Variants in PDE4D observed in about 807,000 individuals in gnomAD.
The protein encoded by PDE4D is phosphodiesterase 4D.
Under a neutral mutation model 87.4 loss-of-function variants are expected in PDE4D, and 24 were observed. The observed-to-expected ratio is 0.27, with a 90% CI of 0.20 to 0.39. The LOEUF (loss-of-function observed/expected upper bound fraction) is 0.39. PDE4D is among the 10% of genes least tolerant of loss of function. The pLI is 1.00. For missense variants in PDE4D, 714 were observed against 1,041.0 expected, an observed-to-expected ratio of 0.69 and a Z score of 4.32; for synonymous variants, 384 against 383.2, an observed-to-expected ratio of 1.00 and a Z score of -0.02.
chr5:60,107,670 G>T (rs1777151386), intron 2 of PDE4D, among the ~76,000 whole-genome samples: 1 of 152,108 alleles, frequency 6.6e-6, no homozygotes, highest in Admixed American at 6.6e-5. Flanking sequence ...ATGATCAAGT[G>T]GGCTTCATCC....
chr5:59,564,774 T>C (rs142938686), intron 1 of PDE4D, among the ~76,000 whole-genome samples: 1 of 151,812 alleles, frequency 6.6e-6, no homozygotes, highest in Non-Finnish European at 1.5e-5. Flanking sequence ...TTTGTGTGAG[T>C]GAGAAAGGCA....
intron 11 of PDE4D, among the ~76,000 whole-genome samples, chr5:58,983,744 C>T (rs1018147775): frequency 6.6e-6 from 1 of 152,212 alleles, no homozygotes; most frequent in African/African-American, 2.4e-5. Flanking sequence ...GCTTGCACAG[C>T]AGGCTGGACC....
intron 2 of PDE4D, among the ~76,000 whole-genome samples, chr5:60,143,643 GTGTGTGTA>G (rs1383029452): frequency 1.1e-4 from 14 of 131,920 alleles, no homozygotes; most frequent in African/African-American, 3.9e-4. Context: ...GTGTGTGTGT[GTGTGTGTA>G]TGTGTGTGTG....
At chr5:60,202,777 GA>G (rs70975373) in intron 1 of PDE4D, among the ~76,000 whole-genome samples, 12,452 of 150,400 alleles carry the variant, frequency 0.083, 558 homozygotes, top group Non-Finnish European at 0.11. Context: ...TACATGAAAA[GA>G]AAAAAAAATA....
At chr5:59,913,371 C>G (rs553025512) in intron 3 of PDE4D, among the ~76,000 whole-genome samples, 4 of 152,198 alleles carry the variant, frequency 2.6e-5, no homozygotes, top group South Asian at 4.2e-4. Context: ...GCAGTTGTTA[C>G]AATGTTCTGT....
At chr5:60,131,490 A>G (rs996766739) in intron 2 of PDE4D, among the ~76,000 whole-genome samples, 5 of 152,230 alleles carry the variant, frequency 3.3e-5, no homozygotes, top group Admixed American at 1.3e-4. Context: ...ATGTGTGCCA[A>G]TTCTAAACCT....
At chr5:60,185,314 A>G (rs1255759234) in intron 2 of PDE4D, among the ~76,000 whole-genome samples, 1 of 152,146 alleles carries the variant, frequency 6.6e-6, no homozygotes, top group Non-Finnish European at 1.5e-5. Flanking sequence ...TCAGGCTTGT[A>G]GACGTATATG....
At position 59,065,061 on chromosome 5, in the gene PDE4D, TATATATACACACACACACAC is replaced by T. The variant is rs1333936196; in HGVS notation, c.809-26110_809-26091del. ...ATGAATGGACAAAGGAAATGTGATA[TATATATACACACACACACAC>T]ACACACACACACACACACACACACA... On this transcript the variant is annotated intron_variant, in intron 5 of 14. Transcript: ENST00000340635. Among the ~76,000 whole-genome samples the T allele has an allele frequency of 8.6e-3, 142 of 16,538 alleles. 2 individuals are homozygous for T. The highest frequency in any genetic ancestry group is 0.049 in the Admixed American group (62 of 1,268). 10.8% of individuals were successfully genotyped at this position (16,538 alleles called of 152,430 possible).
intron 1 of PDE4D, among the ~76,000 whole-genome samples, chr5:60,448,878 A>T (rs1046395014): frequency 6.6e-5 from 10 of 152,116 alleles, no homozygotes; most frequent in African/African-American, 2.4e-4. Context: ...GGTATCTGAT[A>T]TTTATTTATG....
chr5:60,153,997 T>C (rs1343000716), intron 2 of PDE4D, among the ~76,000 whole-genome samples: 2 of 152,282 alleles, frequency 1.3e-5, no homozygotes, highest in East Asian at 3.9e-4. Flanking sequence ...TTTAAGATTG[T>C]AGATCTCAAT....
At chr5:60,511,763 T>C (rs1480937480) in intron 1 of PDE4D, among the ~76,000 whole-genome samples, 1 of 151,932 alleles carries the variant, frequency 6.6e-6, no homozygotes, top group East Asian at 1.9e-4. Flanking sequence ...TTCATAATTG[T>C]CACATTATAT....
Position 59,066,036 on chromosome 5 carries a change from C to T in PDE4D, c.809-27065G>A, listed in dbSNP as rs144427088. Among the ~76,000 whole-genome samples the T allele has an allele frequency of 4.6e-3, 699 of 152,120 alleles. 7 individuals carry two copies. The highest frequency in any genetic ancestry group is 0.016 in the African/African-American group (658 of 41,522). On this transcript the variant is annotated intron_variant, in intron 5 of 14. Transcript: ENST00000340635. ...GTCCCAATTTTTCCTGCTTGCTTTT[C>T]GGATGCTGTTCTAAAAAAAATGTAC...
rs547105700 is a variant in PDE4D, at chr5:60,029,912, G to A, written c.43-41195C>T. 1.9e-3 allele frequency among the ~76,000 whole-genome samples: 285 copies of A among 152,148 alleles called. 1 individual carries two copies. The highest frequency in any genetic ancestry group is 6.4e-3 in the African/African-American group (264 of 41,516). On this transcript the variant is annotated intron_variant, in intron 2 of 16. Coordinates refer to the PDE4D transcript ENST00000502484. ...CCCAGCATCCCCCATCCTCAGAGAC[G>A]GGGGAATTTCTCATACTGTGCATTC...
At chr5:59,369,937 T>C (rs965283528) in intron 1 of PDE4D, among the ~76,000 whole-genome samples, 5 of 152,192 alleles carry the variant, frequency 3.3e-5, no homozygotes, top group Non-Finnish European at 5.9e-5. Context: ...TCAAGCTCAA[T>C]AAATAAAAAC....
At chr5:60,287,042 T>G (rs1752482865) in intron 1 of PDE4D, among the ~76,000 whole-genome samples, 1 of 152,166 alleles carries the variant, frequency 6.6e-6, no homozygotes, top group African/African-American at 2.4e-5. Context: ...AGATGAAGAA[T>G]AGGACAACCA....
intron 1 of PDE4D, among the ~76,000 whole-genome samples, chr5:60,380,032 A>T (rs527888336): frequency 6.6e-6 from 1 of 152,344 alleles, no homozygotes; most frequent in South Asian, 2.1e-4. Context: ...GCAAAGGTAT[A>T]AAAGGTGCTA....
intron 1 of PDE4D, chr5:60,430,960 C>A (rs1337372113): frequency 7.0e-6 from 2 of 285,342 alleles, no homozygotes; most frequent in Non-Finnish European, 1.4e-5. Context: ...ACAGACACAG[C>A]AACCATCCGA....
intron 5 of PDE4D, among the ~76,000 whole-genome samples, chr5:59,091,286 C>T (rs1177042230): frequency 2.0e-5 from 3 of 151,980 alleles, no homozygotes; most frequent in Admixed American, 6.6e-5. Flanking sequence ...TAGGTATATT[C>T]CCCCACAAAA....
chr5:59,197,912 C>T (rs1745830409), intron 2 of PDE4D, among the ~76,000 whole-genome samples: 1 of 152,096 alleles, frequency 6.6e-6, no homozygotes, highest in African/African-American at 2.4e-5. Flanking sequence ...TAAAGTGGGG[C>T]TGGGAGGGAT....
Sources: allele counts gnomAD v4.1 joint callset (sites outside exome capture counted in the v4.1 genomes callset), GRCh38; gene constraint gnomAD v4.1.1; transcripts MANE v1.5; gene names NCBI Gene and HGNC (gene_info 2026-07-23, HGNC 2026-07-21).